Variants in DNAJB6 observed in about 807,000 individuals in gnomAD.
The protein encoded by DNAJB6 is DnaJ heat shock protein family (Hsp40) member B6, also known as dnaJ homolog subfamily B member 6.
DNAJB6 carries 16 observed loss-of-function variants against 42.7 expected under a neutral mutation model. The observed-to-expected ratio is 0.37, with a 90% confidence interval of 0.25 to 0.57. The LOEUF (loss-of-function observed/expected upper bound fraction) is 0.57, where lower values mean the gene tolerates loss of function less well. Ranked by LOEUF, DNAJB6 falls within the 20% of genes least tolerant of loss-of-function variation. The pLI, the probability that DNAJB6 is intolerant of heterozygous loss-of-function variation, is 0.74. For missense variants in DNAJB6, 347 were observed against 416.8 expected, an observed-to-expected ratio of 0.83 and a Z score of 1.46; for synonymous variants, 170 against 163.5, an observed-to-expected ratio of 1.04 and a Z score of -0.30.
rs186147058 is a variant in DNAJB6 at position 157,387,047 on chromosome 7, G to A, written c.691+1436G>A. On this transcript the variant is annotated intron_variant, in intron 8 of 9. Transcript: ENST00000262177. ...TTTGGAACTAAACAGCGTGAAAACC[G>A]CTAGAAGGACAGGCGGTTCCCTGAC... is the stretch of plus-strand genomic sequence containing the variant. 7.2e-5 allele frequency among the ~76,000 whole-genome samples: 11 copies of A among 152,288 alleles called. No individual in the cohort carries two copies. The East Asian group carries it at 2.1e-3, about 29-fold the overall frequency.
rs751462114 is a variant in DNAJB6 at position 157,384,991 on chromosome 7, A to G, written c.603A>G (p.Arg201=). 1.5e-5 allele frequency: 25 copies of G among 1,613,988 alleles called. No homozygotes were observed. The highest frequency in any genetic ancestry group is 1.9e-5 in the Non-Finnish European group (23 of 1,179,976). ...ISTSTKMVNG[R]KITTKRIVEN... ...CTTCAACTAAAATGGTTAATGGCAGAAAAATCACTACAAAGAGGTACTGTG... is the reference window on the plus strand; with the variant it reads ...CTTCAACTAAAATGGTTAATGGCAGGAAAATCACTACAAAGAGGTACTGTG... Residue 201 remains arginine (R), a synonymous_variant, in exon 7 of 10, where the codon AGA becomes AGG. Transcript: ENST00000262177.
chr7:157,392,655 C>G (rs757305362), intron 8 of DNAJB6, among the ~76,000 whole-genome samples: 1 of 152,182 alleles, frequency 6.6e-6, no homozygotes. Context: ...TCCTTTCCAG[C>G]TCGTTTCTAG....
chr7:157,349,489 CT>C (rs58835521), intron 1 of DNAJB6, among the ~76,000 whole-genome samples: 15 of 148,504 alleles, frequency 1.0e-4, no homozygotes, highest in East Asian at 2.0e-4. Flanking sequence ...AGTTTTATTA[CT>C]TTTTTTTTTT....
intron 5 of DNAJB6, chr7:157,369,408 C>T (rs559268614): frequency 2.0e-5 from 9 of 456,674 alleles, no homozygotes; most frequent in South Asian, 7.7e-5. Context: ...CGGTGATTCT[C>T]ATGGTGACCA....
intron 1 of DNAJB6, among the ~76,000 whole-genome samples, chr7:157,352,635 C>G (rs558703115): frequency 3.3e-5 from 5 of 152,188 alleles, no homozygotes; most frequent in Admixed American, 2.0e-4. Flanking sequence ...TTTTCTCTTT[C>G]CTTCCCACTT....
At chr7:157,409,577 G>T (rs545121069) in intron 8 of DNAJB6, among the ~76,000 whole-genome samples, 5 of 152,326 alleles carry the variant, frequency 3.3e-5, no homozygotes, top group Middle Eastern at 3.4e-3. Flanking sequence ...AGAGAGAGAG[G>T]GGTGATTTTC....
chr7:157,392,437 G>A (rs1404585527), intron 8 of DNAJB6, among the ~76,000 whole-genome samples: 1 of 150,534 alleles, frequency 6.6e-6, no homozygotes, highest in Non-Finnish European at 1.5e-5. Flanking sequence ...ACAGATGTGT[G>A]TGTGCGTGCG....
intron 8 of DNAJB6, among the ~76,000 whole-genome samples, chr7:157,397,439 G>C (rs2117150997): frequency 6.6e-6 from 1 of 152,310 alleles, no homozygotes; most frequent in Middle Eastern, 3.4e-3. Context: ...TGACATGAGT[G>C]GGGATGCCAA....
At chr7:157,371,637 C>T (rs189480659) in intron 5 of DNAJB6, among the ~76,000 whole-genome samples, 4 of 152,314 alleles carry the variant, frequency 2.6e-5, no homozygotes, top group East Asian at 3.9e-4. Flanking sequence ...AGGTGACTGT[C>T]GAAATTTCCA....
rs140242937 is a variant in DNAJB6, at chr7:157,376,282, G to T, written c.347-5964G>T. 9.6e-3 allele frequency among the ~76,000 whole-genome samples: 1,467 copies of T among 152,074 alleles called. 32 individuals carry two copies. The highest frequency in any genetic ancestry group is 0.033 in the African/African-American group (1,384 of 41,444). ...GTTCATTGTATATATATATTTTTTG[G>T]TCATAAATTTGTGACTGTTCTTTAG... On this transcript the variant is annotated intron_variant, in intron 5 of 9. Coordinates refer to ENST00000262177, the MANE Select transcript of DNAJB6 (RefSeq NM_058246.4).
intron 8 of DNAJB6, among the ~76,000 whole-genome samples, chr7:157,407,437 C>A (rs777051580): frequency 6.6e-6 from 1 of 152,212 alleles, no homozygotes; most frequent in Non-Finnish European, 1.5e-5. Context: ...CTCAAATGTT[C>A]TACTTTAGTT....
At chr7:157,358,904 T>C (rs779159725) in intron 2 of DNAJB6, among the ~76,000 whole-genome samples, 2 of 152,196 alleles carry the variant, frequency 1.3e-5, no homozygotes, top group Non-Finnish European at 2.9e-5. Context: ...ATCTTTTACA[T>C]TGGACTTTGA....
rs546561550 is a variant in DNAJB6 at position 157,356,907 on chromosome 7, C to T, written c.-26-1640C>T. ...TTTCTTTTCTAAGTTTGATGTTAGT[C>T]ATTCTGTCGAATTGATAATGTAGTT... On this transcript the variant is annotated intron_variant, in intron 1 of 9. Transcript: ENST00000262177. Among the ~76,000 whole-genome samples the T allele has an allele frequency of 2.0e-5, 3 of 152,210 alleles. No individual in the cohort carries two copies. The East Asian group carries it at 5.8e-4, about 29-fold the overall frequency.
chr7:157,348,621 C>T (rs966456969), intron 1 of DNAJB6, among the ~76,000 whole-genome samples: 2 of 152,284 alleles, frequency 1.3e-5, no homozygotes, highest in South Asian at 4.2e-4. Context: ...GTCCAGTCAT[C>T]ACTCTCTTAA....
intron 1 of DNAJB6, among the ~76,000 whole-genome samples, chr7:157,351,098 T>G (rs1369275029): frequency 6.6e-6 from 1 of 151,896 alleles, no homozygotes; most frequent in Non-Finnish European, 1.5e-5. Context: ...CCATGCCTAG[T>G]TAATTTTGTA....
intron 8 of DNAJB6, among the ~76,000 whole-genome samples, chr7:157,399,544 C>T (rs527514121): frequency 3.9e-4 from 59 of 152,336 alleles, no homozygotes; most frequent in African/African-American, 1.4e-3. Flanking sequence ...TAGCAGCAGT[C>T]GGCCGGGCCC....
At chr7:157,399,529 C>T (rs74877984) in intron 8 of DNAJB6, among the ~76,000 whole-genome samples, 135 of 152,342 alleles carry the variant, frequency 8.9e-4, no homozygotes, top group East Asian at 5.0e-3. Context: ...CACAGGTTTG[C>T]GGCCTAGCAG....
intron 6 of DNAJB6, among the ~76,000 whole-genome samples, chr7:157,383,401 CAG>C (rs916220879): frequency 5.3e-5 from 8 of 152,162 alleles, no homozygotes; most frequent in African/African-American, 1.9e-4. Flanking sequence ...TCATCATGGT[CAG>C]AATTTTATTT....
At chr7:157,339,601 T>TG (rs1798241718) in intron 1 of DNAJB6, among the ~76,000 whole-genome samples, 2 of 122,434 alleles carry the variant, frequency 1.6e-5, no homozygotes, top group South Asian at 2.8e-4. Context: ...GCCCGGCCTT[T>TG]TGTGTGTGTG....
Sources: allele counts gnomAD v4.1 joint callset (sites outside exome capture counted in the v4.1 genomes callset), GRCh38; gene constraint gnomAD v4.1.1; transcripts MANE v1.5; gene names NCBI Gene and HGNC (gene_info 2026-07-23, HGNC 2026-07-21).